The following ANKFN1 variants were observed in gnomAD, a reference collection of about 807,000 sequenced individuals.
ANKFN1 encodes the protein ankyrin repeat and fibronectin type-III domain-containing protein 1.
ANKFN1 carries 74 observed loss-of-function variants against 108.7 expected under a neutral mutation model. The ratio of observed to expected loss-of-function variants is 0.68; its 90% CI spans 0.56 to 0.83. ANKFN1 has a LOEUF of 0.83. ANKFN1 is among the 40% of genes least tolerant of loss of function. The probability of loss-of-function intolerance (pLI) is 0.00; values close to 1 mark genes in which losing one functional copy is unlikely to be tolerated. For missense variants in ANKFN1, 1,505 were observed against 1,382.3 expected, an observed-to-expected ratio of 1.09 and a Z score of -1.41; for synonymous variants, 547 against 516.2, an observed-to-expected ratio of 1.06 and a Z score of -0.81.
At chr17:56,336,249 G>A (rs543375106) in intron 4 of ANKFN1, among the ~76,000 whole-genome samples, 129 of 152,250 alleles carry the variant, frequency 8.5e-4, no homozygotes, top group African/African-American at 2.6e-3. Flanking sequence ...AGTTAAGGAG[G>A]ATTCCCTCTT....
intron 3 of ANKFN1, among the ~76,000 whole-genome samples, chr17:56,309,093 C>T (rs189341098): frequency 6.6e-6 from 1 of 152,134 alleles, no homozygotes; most frequent in African/African-American, 2.4e-5. Context: ...TTATGTGTTC[C>T]CTCCTCTTTT....
At chr17:56,204,183 A>G (rs1914309536) in intron 1 of ANKFN1, among the ~76,000 whole-genome samples, 2 of 152,104 alleles carry the variant, frequency 1.3e-5, no homozygotes, top group Non-Finnish European at 2.9e-5. Context: ...AGTAGCTGGG[A>G]TTACAGGTGC....
chr17:56,161,673 A>G (rs1463919584), intron 1 of ANKFN1, among the ~76,000 whole-genome samples: 1 of 152,212 alleles, frequency 6.6e-6, no homozygotes, highest in African/African-American at 2.4e-5. Context: ...TTGAATGATG[A>G]ATTATTGCAT....
chr17:56,104,836 T>C (rs1598096191), intron 4 of ANKFN1, among the ~76,000 whole-genome samples: 2 of 152,292 alleles, frequency 1.3e-5, no homozygotes, highest in South Asian at 4.1e-4. Context: ...GTTTCAGGAT[T>C]CTAGAGTCCT....
intron 11 of ANKFN1, among the ~76,000 whole-genome samples, chr17:56,451,927 A>G (rs1338767188): frequency 1.3e-5 from 2 of 152,204 alleles, no homozygotes; most frequent in Non-Finnish European, 2.9e-5. Context: ...AAAATCCTAA[A>G]TAGGAGGTAC....
chr17:56,074,394 C>T (rs543390859), intron 4 of ANKFN1, among the ~76,000 whole-genome samples: 2 of 152,228 alleles, frequency 1.3e-5, no homozygotes, highest in African/African-American at 2.4e-5. Flanking sequence ...CCCTCTGACA[C>T]TGCGTGAGCC....
chr17:56,252,151 C>G (rs1325357598), intron 3 of ANKFN1: 3 of 152,128 alleles, frequency 2.0e-5, no homozygotes, highest in Non-Finnish European at 4.4e-5. Flanking sequence ...AATGCAAATT[C>G]CTTTATAAAT....
intron 1 of ANKFN1, among the ~76,000 whole-genome samples, chr17:56,170,807 T>TATATATACACACACACAC (rs1361307404): frequency 1.3e-4 from 8 of 61,458 alleles, no homozygotes; most frequent in East Asian, 9.8e-4. Flanking sequence ...TATATATATA[T>TATATATACACACACACAC]ACACACACAC....
intron 4 of ANKFN1, among the ~76,000 whole-genome samples, chr17:56,091,691 C>T (rs533324383): frequency 6.6e-6 from 1 of 151,562 alleles, no homozygotes; most frequent in East Asian, 1.9e-4. Flanking sequence ...TGATAACGTT[C>T]AGATTTGAAT....
rs953887049 is a variant in ANKFN1, at chr17:56,169,719, A to G, written c.-71+16189A>G. 1.1e-4 allele frequency among the ~76,000 whole-genome samples: 17 copies of G among 152,314 alleles called. No homozygotes were observed. The East Asian group carries it at 3.1e-3, about 28-fold the overall frequency. ...AGGCTTCCTAGAGATCCCAGGAGAC[A>G]GCGCCAAGCCATCCTGAGGGCTTAG... On this transcript the variant is annotated intron_variant, in intron 1 of 20. Transcript: ENST00000682825.
intron 4 of ANKFN1, among the ~76,000 whole-genome samples, chr17:56,086,330 A>T (rs1047058474): frequency 6.6e-6 from 1 of 151,230 alleles, no homozygotes; most frequent in Non-Finnish European, 1.5e-5. Context: ...GCTTAAACCC[A>T]GGAGGCAGAG....
intron 4 of ANKFN1, among the ~76,000 whole-genome samples, chr17:56,049,437 T>A (rs547833177): frequency 8.6e-4 from 131 of 151,986 alleles, no homozygotes; most frequent in African/African-American, 2.8e-3. Flanking sequence ...CATGTGCACA[T>A]TGTGCAGGTT....
At chr17:56,180,663 T>A (rs1911604287) in intron 1 of ANKFN1, among the ~76,000 whole-genome samples, 1 of 152,296 alleles carries the variant, frequency 6.6e-6, no homozygotes, top group East Asian at 1.9e-4. Context: ...GTATTCCCCA[T>A]GACAACATAA....
intron 3 of ANKFN1, among the ~76,000 whole-genome samples, chr17:56,304,169 C>G (rs955324573): frequency 2.0e-5 from 3 of 152,128 alleles, no homozygotes; most frequent in South Asian, 2.1e-4. Flanking sequence ...GCCCCTACCC[C>G]CTCCTTAACT....
intron 4 of ANKFN1, among the ~76,000 whole-genome samples, chr17:56,328,604 C>G (rs1469541259): frequency 6.6e-6 from 1 of 152,134 alleles, no homozygotes; most frequent in East Asian, 1.9e-4. Flanking sequence ...TATTATTTCA[C>G]TCTTCATCAG....
chr17:56,298,406 CAT>C (rs923894712), intron 3 of ANKFN1, among the ~76,000 whole-genome samples: 124 of 152,296 alleles, frequency 8.1e-4, no homozygotes, highest in African/African-American at 2.6e-3. Context: ...TTCTGCTACA[CAT>C]GTGTCATGTC....
chr17:56,440,409 C>T lies in ANKFN1; in HGVS notation c.993C>T (p.Ile331=). 2 of 1,611,284 alleles carry T rather than the reference C, an allele frequency of 1.2e-6. No individual in the cohort carries two copies. The highest frequency in any genetic ancestry group is 1.7e-6 in the Non-Finnish European group (2 of 1,178,030). ...ATCTGCAGACTCTGAGATGCACAAT[C>T]ACAGGACTTACAATGGTAAATGTCC... ...MDNLQTLRCT[I]TGLTMGQQYF... is the part of the protein sequence containing the mutation. The change falls in exon 9 of 21, where the codon ATC becomes ATT. Residue 331 remains isoleucine (I), a synonymous_variant. Coordinates refer to ENST00000682825, the MANE Select transcript of ANKFN1 (RefSeq NM_001370326.1).
intron 4 of ANKFN1, among the ~76,000 whole-genome samples, chr17:56,349,822 G>A (rs2046200797): frequency 6.6e-6 from 1 of 152,178 alleles, no homozygotes; most frequent in Non-Finnish European, 1.5e-5. Flanking sequence ...AGAAGGCAGT[G>A]ACATGCTCCA....
rs529869168 is a variant in ANKFN1 at position 56,217,808 on chromosome 17, C to T, written c.12+5129C>T. Among the ~76,000 whole-genome samples the T allele has an allele frequency of 4.6e-5, 7 of 152,134 alleles. No individual in the cohort carries two copies. In the East Asian group the frequency reaches 1.2e-3, roughly 25 times the overall value. On this transcript the variant is annotated intron_variant, in intron 2 of 20. Coordinates refer to ENST00000682825, the MANE Select transcript of ANKFN1 (RefSeq NM_001370326.1). ...AAAAATAATTTGTACTTGTCTTTCC[C>T]CAGTTAAGGGGTTTTGGGTATAGAA...
Sources: allele counts gnomAD v4.1 joint callset (sites outside exome capture counted in the v4.1 genomes callset), GRCh38; gene constraint gnomAD v4.1.1; transcripts MANE v1.5; gene names NCBI Gene and HGNC (gene_info 2026-07-23, HGNC 2026-07-21).